Variants in WWOX observed in about 807,000 individuals in gnomAD.
The protein encoded by WWOX is WW domain-containing oxidoreductase.
Under a neutral mutation model 46.2 loss-of-function variants are expected in WWOX, and 69 were observed. That is an observed-to-expected ratio of 1.49 (90% CI 1.23 to 1.82). The LOEUF is 1.82. Ranked by LOEUF, WWOX falls within the 40% of genes most tolerant of loss-of-function variation. The pLI is 0.00. For synonymous variants in WWOX, 359 were observed against 202.6 expected, an observed-to-expected ratio of 1.77 and a Z score of -6.56; for missense variants, 919 against 542.6, an observed-to-expected ratio of 1.69 and a Z score of -6.89.
intron 8 of WWOX, among the ~76,000 whole-genome samples, chr16:78,670,554 A>G (rs193019234): frequency 6.6e-6 from 1 of 152,296 alleles, no homozygotes; most frequent in East Asian, 1.9e-4. Context: ...GAGTCCAGCC[A>G]GCCCCAGGTT....
chr16:78,277,171 G>A (rs1289122064), intron 5 of WWOX, among the ~76,000 whole-genome samples: 1 of 152,058 alleles, frequency 6.6e-6, no homozygotes, highest in Non-Finnish European at 1.5e-5. Context: ...TATTTAAATC[G>A]TTTGAAGTAG....
intron 8 of WWOX, among the ~76,000 whole-genome samples, chr16:78,516,646 C>T (rs2043241866): frequency 6.6e-6 from 1 of 152,166 alleles, no homozygotes; most frequent in Non-Finnish European, 1.5e-5. Flanking sequence ...TCCTCCTATT[C>T]CTCTGTACCC....
chr16:78,772,565 G>C (rs897688798), intron 8 of WWOX, among the ~76,000 whole-genome samples: 2 of 152,110 alleles, frequency 1.3e-5, no homozygotes, highest in African/African-American at 4.8e-5. Context: ...CTTCCCTTTT[G>C]TAGGTAACAA....
intron 8 of WWOX, among the ~76,000 whole-genome samples, chr16:78,662,262 G>C (rs1339050658): frequency 2.0e-5 from 3 of 152,166 alleles, no homozygotes; most frequent in African/African-American, 7.2e-5. Flanking sequence ...GTACATAGAA[G>C]AATGTTTTAG....
intron 5 of WWOX, among the ~76,000 whole-genome samples, chr16:78,216,033 A>T (rs749664864): frequency 2.0e-5 from 3 of 152,208 alleles, no homozygotes; most frequent in Non-Finnish European, 2.9e-5. Context: ...ACAGTGAATA[A>T]GGGGCACAAC....
chr16:79,209,127 T>G (rs977489230), intron 8 of WWOX, among the ~76,000 whole-genome samples: 3 of 152,178 alleles, frequency 2.0e-5, no homozygotes, highest in Non-Finnish European at 4.4e-5. Context: ...ATCAAAGCCA[T>G]CTCCTGATAA....
intron 8 of WWOX, among the ~76,000 whole-genome samples, chr16:78,708,680 G>C (rs976530428): frequency 2.0e-5 from 3 of 152,196 alleles, no homozygotes; most frequent in Non-Finnish European, 2.9e-5. Context: ...AACCCAGTGA[G>C]TTCAGTGGCT....
In WWOX at chr16:78,985,595, C is replaced by T. The variant is rs569903904; in HGVS notation, c.1057-226013C>T. ...ACCAGCCTGACAAACATGGTGAAAC[C>T]CAGTCTCTACTAAAAATACAAAAAT... On this transcript the variant is annotated intron_variant, in intron 8 of 8. Transcript: ENST00000566780. Among the ~76,000 whole-genome samples the T allele has an allele frequency of 2.0e-5, 3 of 152,222 alleles. No individual in the cohort carries two copies. In the South Asian group the frequency reaches 6.2e-4, roughly 32 times the overall value.
chr16:78,757,016 G>C (rs1042949708), intron 8 of WWOX: 2 of 700,758 alleles, frequency 2.9e-6, no homozygotes, highest in Admixed American at 2.0e-5. Flanking sequence ...CAACAGCCAT[G>C]TGAGTGAACC....
At chr16:78,280,619 C>T (rs1210823730) in intron 5 of WWOX, among the ~76,000 whole-genome samples, 1 of 141,332 alleles carries the variant, frequency 7.1e-6, no homozygotes, top group East Asian at 2.1e-4. Flanking sequence ...AAAGAGAGAG[C>T]AGCAGGTGAC....
rs542218113 is a variant in WWOX at position 79,129,305 on chromosome 16, G to A, written c.1057-82303G>A. Among the ~76,000 whole-genome samples the A allele has an allele frequency of 2.7e-5, 4 of 150,270 alleles. No homozygotes were observed. The South Asian group carries it at 6.5e-4, about 24-fold the overall frequency. On this transcript the variant is annotated intron_variant, in intron 8 of 8. Transcript: ENST00000566780. ...CAATATTAAAAGATTGTATAAATGA[G>A]GGGGGCACACTTCCTGATATGTTCG... is the stretch of plus-strand genomic sequence containing the variant.
At chr16:78,660,615 C>T (rs559914080) in intron 8 of WWOX, among the ~76,000 whole-genome samples, 1 of 152,132 alleles carries the variant, frequency 6.6e-6, no homozygotes, top group Non-Finnish European at 1.5e-5. Flanking sequence ...CAGCTCCCTA[C>T]TCACTTGGGG....
chr16:79,058,819 A>G (rs898248390), intron 8 of WWOX, among the ~76,000 whole-genome samples: 7 of 152,222 alleles, frequency 4.6e-5, no homozygotes, highest in Non-Finnish European at 2.9e-5. Context: ...TAAAATTCAA[A>G]TTTCAATGAA....
chr16:78,915,911 A>G (rs984030051), intron 8 of WWOX, among the ~76,000 whole-genome samples: 4 of 152,188 alleles, frequency 2.6e-5, no homozygotes, highest in African/African-American at 9.6e-5. Context: ...TTAATTTGCT[A>G]TTTCTTCACA....
At chr16:78,538,063 G>C (rs531499333) in intron 8 of WWOX, among the ~76,000 whole-genome samples, 86 of 152,096 alleles carry the variant, frequency 5.7e-4, no homozygotes, top group South Asian at 2.5e-3. Flanking sequence ...TTCCAGCATG[G>C]TATTTTGAGC....
At chr16:78,313,214 C>A (rs1012210964) in intron 5 of WWOX, among the ~76,000 whole-genome samples, 1 of 152,166 alleles carries the variant, frequency 6.6e-6, no homozygotes, top group Non-Finnish European at 1.5e-5. Context: ...CTTCCACTTG[C>A]TAGCCATGGA....
chr16:78,239,621 G>A (rs1276289439), intron 5 of WWOX, among the ~76,000 whole-genome samples: 3 of 152,128 alleles, frequency 2.0e-5, no homozygotes, highest in Middle Eastern at 3.4e-3. Flanking sequence ...TGCAACCTCC[G>A]CCTCCTGGGT....
chr16:79,114,386 C>T (rs1254047831), intron 8 of WWOX, among the ~76,000 whole-genome samples: 2 of 146,600 alleles, frequency 1.4e-5, no homozygotes, highest in African/African-American at 5.1e-5. Flanking sequence ...GCACACATAT[C>T]TACGTATCTA....
intron 8 of WWOX, among the ~76,000 whole-genome samples, chr16:78,566,682 G>C (rs922144604): frequency 6.6e-5 from 10 of 152,184 alleles, no homozygotes; most frequent in Admixed American, 6.5e-5. Flanking sequence ...GCTCACAACA[G>C]TGCAGTCAGG....
Sources: allele counts gnomAD v4.1 joint callset (sites outside exome capture counted in the v4.1 genomes callset), GRCh38; gene constraint gnomAD v4.1.1; transcripts MANE v1.5; gene names NCBI Gene and HGNC (gene_info 2026-07-23, HGNC 2026-07-21).